WDR64: variants seen among roughly 807,000 people sequenced by gnomAD.
WDR64 encodes the protein WD repeat-containing protein 64.
A neutral mutation model predicts 139.3 loss-of-function variants in WDR64; 112 were observed. That is an observed-to-expected ratio of 0.80 (90% CI 0.69 to 0.94). WDR64 has a LOEUF of 0.94. Ranked by LOEUF, WDR64 falls within the 40% of genes least tolerant of loss-of-function variation. The pLI is 0.00. For missense variants in WDR64, 1,206 were observed against 1,293.1 expected (o/e 0.93, Z 1.03); for synonymous variants, 444 against 437.7 (o/e 1.01, Z -0.18).
At chr1:241,699,177 A>AC (rs969774634) in intron 8 of WDR64, among the ~76,000 whole-genome samples, 2 of 152,138 alleles carry the variant, frequency 1.3e-5, no homozygotes, top group African/African-American at 4.8e-5. Flanking sequence ...ACACAGCCAA[A>AC]CCATATCACA....
At chr1:241,695,357 T>C (rs574767260) in intron 8 of WDR64, among the ~76,000 whole-genome samples, 1 of 152,138 alleles carries the variant, frequency 6.6e-6, no homozygotes, top group Non-Finnish European at 1.5e-5. Context: ...AGATGTCACA[T>C]TGGTAATTTG....
chr1:241,712,152 C>T (rs988462921), intron 9 of WDR64, among the ~76,000 whole-genome samples: 2 of 152,140 alleles, frequency 1.3e-5, no homozygotes, highest in African/African-American at 2.4e-5. Flanking sequence ...TTTAATCCAT[C>T]TGGAGCTTAT....
chr1:241,678,860 G>GAAAAAAA (rs58075238), intron 5 of WDR64, among the ~76,000 whole-genome samples: 4 of 33,616 alleles, frequency 1.2e-4, no homozygotes, highest in East Asian at 1.4e-3. Flanking sequence ...TTCTTAAACT[G>GAAAAAAA]AAAAAAAAAA....
At chr1:241,658,313 GTA>G in intron 1 of WDR64, among the ~76,000 whole-genome samples, 1 of 151,490 alleles carries the variant, frequency 6.6e-6, no homozygotes, top group Non-Finnish European at 1.5e-5. Context: ...GTGTGTGTGT[GTA>G]TGTGTTTACA....
At chr1:241,683,832 A>C (rs544422247) in intron 7 of WDR64, 131 bp downstream of exon 7, 1 of 719,040 alleles carries the variant, frequency 1.4e-6, no homozygotes, top group Non-Finnish European at 2.2e-6. Flanking sequence ...TTAAAGTAAT[A>C]TAAACAATTA....
At position 241,784,958 on chromosome 1, in the gene WDR64, A is replaced by G. The variant is rs1404978577; in HGVS notation, c.2705+1577A>G. 2.4e-3 allele frequency among the ~76,000 whole-genome samples: 240 copies of G among 99,526 alleles called. 21 individuals carry two copies. In the East Asian group the frequency reaches 0.036, roughly 15 times the overall value. 65.3% of individuals were successfully genotyped at this position (99,526 alleles called of 152,430 possible). ...GACAGAGTGAGACTCTGTCTGAAAA[A>G]AAAAAAAAAAAAAAAAAAGAAAGGA... On this transcript the variant is annotated intron_variant, in intron 23 of 27. Transcript: ENST00000437684.
Position 241,671,143 on chromosome 1 carries a change from T to C in WDR64, c.346T>C (p.Phe116Leu), listed in dbSNP as rs371115744. 6.4e-6 allele frequency: 10 copies of C among 1,551,086 alleles called. No homozygotes were observed. The African/African-American group carries it at 1.4e-4, about 21-fold the overall frequency. Residue 116 changes from phenylalanine to leucine, a missense_variant, in exon 3 of 28, where the codon TTT becomes CTT. Phe to Leu is a conservative substitution (Grantham distance 22, BLOSUM62 0). Coordinates refer to ENST00000437684, the MANE Select transcript of WDR64 (RefSeq NM_001367482.1). ...SQLDEENLVFFVSRKRRILIS... is the reference protein window; with the variant it reads ...SQLDEENLVFLVSRKRRILIS... ...GTTGGATGAAGAAAATTTGGTTTTC[T>C]TTGTGTCTAGAAAAAGGCGAATTTT...
chr1:241,740,981 TA>T (rs762296381), intron 11 of WDR64, among the ~76,000 whole-genome samples: 27 of 152,260 alleles, frequency 1.8e-4, no homozygotes, highest in Non-Finnish European at 3.8e-4. Context: ...AAATTAATCT[TA>T]TTTTTATATT....
chr1:241,748,442 A>C (rs1331351399), intron 13 of WDR64, among the ~76,000 whole-genome samples: 1 of 152,150 alleles, frequency 6.6e-6, no homozygotes, highest in Non-Finnish European at 1.5e-5. Flanking sequence ...TTCTCACATG[A>C]CAAAGGGGCA....
rs772133796 is a variant in WDR64, at chr1:241,723,277, T to C, written c.1055-20T>C. On this transcript the variant is annotated intron_variant, in intron 9 of 27. Coordinates refer to ENST00000437684, the MANE Select transcript of WDR64 (RefSeq NM_001367482.1). Reference sequence around the variant, plus strand: ...GACCACCTCAGAAAACCAACAATCTTTCCCTGTCCTCCTTTTCAGGAGATG... The same window carrying C: ...GACCACCTCAGAAAACCAACAATCTCTCCCTGTCCTCCTTTTCAGGAGATG... 6.2e-7 allele frequency: 1 copy of C among 1,613,178 alleles called. No individual in the cohort carries two copies. Among genetic ancestry groups the C allele is most frequent in the Non-Finnish European group, 8.5e-7 (1 of 1,179,570 alleles).
chr1:241,779,337 G>A (rs1658765971), intron 21 of WDR64, among the ~76,000 whole-genome samples: 1 of 152,054 alleles, frequency 6.6e-6, no homozygotes, highest in Non-Finnish European at 1.5e-5. Context: ...AAGTTGAGGT[G>A]TAGTCATTGT....
At chr1:241,660,221 G>C (rs1284302626) in intron 1 of WDR64, among the ~76,000 whole-genome samples, 1 of 152,144 alleles carries the variant, frequency 6.6e-6, no homozygotes, top group Non-Finnish European at 1.5e-5. Flanking sequence ...TCAGATCGTT[G>C]TAGGTGTGCA....
rs190812275 is a variant in WDR64, at chr1:241,689,791, A to T, written c.974+2196A>T. 2.2e-4 allele frequency among the ~76,000 whole-genome samples: 33 copies of T among 152,338 alleles called. No individual in the cohort carries two copies. In the East Asian group the frequency reaches 6.2e-3, roughly 28 times the overall value. On this transcript the variant is annotated intron_variant, in intron 8 of 27. Transcript: ENST00000437684. ...ATTCTAAGAATAAAAAGTTCTAAAG[A>T]TCAAAAACACTGATAGAAATGAGTA...
intron 3 of WDR64, among the ~76,000 whole-genome samples, chr1:241,672,359 C>T (rs142105898): frequency 9.2e-4 from 140 of 152,232 alleles, no homozygotes; most frequent in African/African-American, 3.0e-3. Context: ...TCCCTGCTGC[C>T]ACCACACTGA....
At chr1:241,708,692 GTTT>G (rs766069628) in intron 8 of WDR64, among the ~76,000 whole-genome samples, 1 of 59,902 alleles carries the variant, frequency 1.7e-5, no homozygotes, top group Non-Finnish European at 3.4e-5. Context: ...GAGGTCCATG[GTTT>G]TTTTTTTTGT....
At chr1:241,654,555 C>T (rs1665499433) in intron 1 of WDR64, among the ~76,000 whole-genome samples, 2 of 152,106 alleles carry the variant, frequency 1.3e-5, no homozygotes, top group South Asian at 4.1e-4. Flanking sequence ...TTATTTTTCC[C>T]ATCTCAATTC....
intron 27 of WDR64, among the ~76,000 whole-genome samples, chr1:241,797,106 A>T (rs1166235092): frequency 1.3e-5 from 2 of 152,206 alleles, no homozygotes; most frequent in Non-Finnish European, 2.9e-5. Context: ...AAAATAACTA[A>T]CATGCAATGC....
intron 2 of WDR64, among the ~76,000 whole-genome samples, chr1:241,662,190 T>C (rs951648022): frequency 1.3e-5 from 2 of 152,176 alleles, no homozygotes; most frequent in African/African-American, 2.4e-5. Context: ...TAAATTATCA[T>C]AAATTTAGCA....
intron 11 of WDR64, among the ~76,000 whole-genome samples, chr1:241,739,997 A>C (rs1450648025): frequency 3.9e-5 from 6 of 152,226 alleles, no homozygotes; most frequent in Non-Finnish European, 5.9e-5. Context: ...ACTTTTATTA[A>C]GACAACTACC....
Sources: gnomAD v4.1 joint callset for allele counts (sites outside exome capture counted in the v4.1 genomes callset) on GRCh38, gnomAD v4.1.1 for gene constraint, MANE v1.5 for transcripts, NCBI Gene and HGNC (gene_info 2026-07-23, HGNC 2026-07-21) for gene names.